Variants in AP2A2 observed in about 807,000 individuals in gnomAD.
AP2A2 encodes adaptor related protein complex 2 subunit alpha 2.
AP2A2 carries 32 observed loss-of-function variants against 104.2 expected under a neutral mutation model. The observed-to-expected ratio is 0.31, with a 90% CI of 0.23 to 0.41. The LOEUF (loss-of-function observed/expected upper bound fraction) is 0.41, where lower values mean the gene tolerates loss of function less well. Among genes scored for constraint, AP2A2 ranks in the 10% least tolerant of loss-of-function variants. AP2A2 has a pLI of 1.00. For synonymous variants in AP2A2, 539 were observed against 533.3 expected (o/e 1.01, Z -0.15); for missense variants, 912 against 1,261.0 (o/e 0.72, Z 4.19).
In AP2A2 at chr11:969,219, C is replaced by CTTTTTTTTTTTTTTTTTTTTTTTTTTTTT. The variant is rs1564799363; in HGVS notation, c.137-950_137-949insTTTTTTTTTTTTTTTTTTTTTTTTTTTTT. ...GAAACTCCTGGCAATGTAGAACAGC[C>CTTTTTTTTTTTTTTTTTTTTTTTTTTTTT]CTTTTTTTTTTTTTTTTTTTTTTTT... On this transcript the variant is annotated intron_variant, in intron 2 of 21. Coordinates refer to ENST00000448903, the MANE Select transcript of AP2A2 (RefSeq NM_012305.4). 1.8e-5 allele frequency among the ~76,000 whole-genome samples: 2 copies of CTTTTTTTTTTTTTTTTTTTTTTTTTTTTT among 112,812 alleles called. 1 individual carries two copies. 74.0% of individuals were successfully genotyped at this position (112,812 alleles called of 152,430 possible). A position where few individuals can be genotyped will look rare whatever the true frequency, so the allele number is the denominator to read the frequency against.
chr11:971,877 C>T (rs1318044828), intron 3 of AP2A2, among the ~76,000 whole-genome samples, 185 bp from the exon 4 acceptor site: 2 of 152,228 alleles, frequency 1.3e-5, no homozygotes, highest in South Asian at 2.1e-4. Context: ...GAGGCATCCT[C>T]GGTTCCACTG....
Position 1,000,412 on chromosome 11 carries a change from T to C in AP2A2, c.1957-20T>C. ...GGCCAGGGAGGCTCTCTGCTGATGC[T>C]CTCCTTCCTTCTCTTCCAGTCTACG... On this transcript the variant is annotated intron_variant, in intron 14 of 21. Transcript: ENST00000448903. 1.3e-6 allele frequency: 2 copies of C among 1,542,884 alleles called. No individual in the cohort carries two copies. Among genetic ancestry groups the C allele is most frequent in the Non-Finnish European group, 8.7e-7 (1 of 1,146,974 alleles).
intron 1 of AP2A2, among the ~76,000 whole-genome samples, chr11:940,077 C>G (rs1195135318): frequency 1.3e-5 from 2 of 151,366 alleles, no homozygotes; most frequent in Non-Finnish European, 2.9e-5. Context: ...GCCTCAGCCT[C>G]CAGAGTAGCT....
chr11:988,909 C>A, intron 10 of AP2A2: 1 of 594,118 alleles, frequency 1.7e-6, no homozygotes, highest in Non-Finnish European at 2.9e-6. Context: ...GCGGGAGGAT[C>A]ACCTGAGGCC....
chr11:932,886 T>G, intron 1 of AP2A2: 1 of 377,554 alleles, frequency 2.6e-6, no homozygotes, highest in South Asian at 2.0e-5. Context: ...ACTGTTACTT[T>G]TGGTAACAAT....
At chr11:972,356 C>T (rs2134629424) in intron 4 of AP2A2, 101 bp downstream of exon 4, 1 of 1,268,478 alleles carries the variant, frequency 7.9e-7, no homozygotes, top group Non-Finnish European at 1.1e-6. Flanking sequence ...GTTTTACTCT[C>T]CCCATCTTAT....
At chr11:930,270 A>G (rs937876181) in intron 1 of AP2A2, among the ~76,000 whole-genome samples, 9 of 152,126 alleles carry the variant, frequency 5.9e-5, no homozygotes, top group African/African-American at 2.2e-4. Context: ...CATAGGCAGC[A>G]ATGAATATGC....
In AP2A2 at chr11:1,011,583, C is replaced by T; in HGVS notation, c.*958C>T. The T allele has an allele frequency of 2.3e-6, 1 of 441,150 alleles. No individual in the cohort carries two copies. The highest frequency in any genetic ancestry group is 4.6e-6 in the Non-Finnish European group (1 of 218,984). The allele number at this position is 441,150 out of a possible 1,614,324, so 27.3% of individuals were successfully genotyped here. On this transcript the variant is annotated 3_prime_UTR_variant, in exon 22 of 22. Coordinates refer to ENST00000448903, the MANE Select transcript of AP2A2 (RefSeq NM_012305.4). ...TGTCTCACCTGTCATCTGGACTCAG[C>T]ACCCAGGCTGCACGTCTGACACCTG...
intron 1 of AP2A2, chr11:946,902 A>T (rs894253003): frequency 1.3e-5 from 2 of 152,148 alleles, no homozygotes; most frequent in Non-Finnish European, 2.9e-5. Flanking sequence ...AGGTGGTAGG[A>T]TACGTGAAGA....
chr11:938,568 G>A (rs1269738253), intron 1 of AP2A2, among the ~76,000 whole-genome samples: 3 of 150,774 alleles, frequency 2.0e-5, no homozygotes, highest in Non-Finnish European at 4.4e-5. Context: ...TCTGCCTCCC[G>A]GGTTCACGCC....
chr11:966,750 C>A (rs1461737683), intron 2 of AP2A2, among the ~76,000 whole-genome samples: 1 of 152,094 alleles, frequency 6.6e-6, no homozygotes, highest in East Asian at 1.9e-4. Flanking sequence ...TGGCTGGTGA[C>A]CAGATGGCTG....
intron 3 of AP2A2, among the ~76,000 whole-genome samples, chr11:971,819 A>G (rs1267968745): frequency 6.6e-6 from 1 of 152,148 alleles, no homozygotes; most frequent in African/African-American, 2.4e-5. Context: ...GTGGCACGCT[A>G]GTCAGGTGTG....
At position 993,996 on chromosome 11, in the gene AP2A2, CCCGCCCTT is replaced by C. The variant is rs1329673014; in HGVS notation, c.1782+13_1782+20del. 2 of 1,609,466 alleles carry C rather than the reference CCCGCCCTT, an allele frequency of 1.2e-6. No individual in the cohort carries two copies. Among genetic ancestry groups the C allele is most frequent in the Non-Finnish European group, 8.5e-7 (1 of 1,177,532 alleles). On this transcript the variant is annotated intron_variant, in intron 13 of 21. Coordinates refer to ENST00000448903, the MANE Select transcript of AP2A2 (RefSeq NM_012305.4). The surrounding 1 kb of genome is among the most constrained non-coding windows in gnomAD (Gnocchi z 8.2). ...AGCACCGACATTCTGGTAGGAGGCC[CCCGCCCTT>C]CGGGCTGGCTTGGCTGAGGGTTGGA...
intron 1 of AP2A2, among the ~76,000 whole-genome samples, chr11:949,870 T>C (rs1853984321): frequency 6.6e-6 from 1 of 151,654 alleles, no homozygotes; most frequent in Non-Finnish European, 1.5e-5. Context: ...AATCAATCCA[T>C]GTAATACTTC....
chr11:926,046 G>C lies in AP2A2; in HGVS notation c.25G>C (p.Gly9Arg). 1 of 1,387,882 alleles carries C rather than the reference G, an allele frequency of 7.2e-7. No homozygotes were observed. The allele number at this position is 1,387,882 out of a possible 1,614,324, so 86.0% of individuals were successfully genotyped here. The change falls in exon 1 of 22, where the codon GGG (glycine) becomes CGG (arginine). Residue 9 changes from glycine to arginine, a missense_variant. By Grantham distance (125) the Gly-to-Arg change is moderately radical (BLOSUM62 -2). Around this residue, in one of 7 missense-constraint regions of AP2A2, gnomAD observed 43 missense variants for 47.0 expected, o/e 0.91. Transcript: ENST00000448903. MPAVSKGD[G>R]MRGLAVFISD... ...GATGCCGGCCGTGTCCAAGGGGGAC[G>C]GGATGCGGGGCCTGGCGGTCTTCAT... is the stretch of plus-strand genomic sequence containing the variant.
Position 993,623 on chromosome 11 carries a change from CTGG to C in AP2A2, c.1551-130_1551-128del. The C allele has an allele frequency of 2.8e-6, 2 of 710,074 alleles. No individual in the cohort carries two copies. The highest frequency in any genetic ancestry group is 4.6e-6 in the Non-Finnish European group (2 of 433,356). The allele number at this position is 710,074 out of a possible 1,614,324, so 44.0% of individuals were successfully genotyped here. Reference sequence around the variant, plus strand: ...GGCGTCTTTGCGGTGGGATCTGGAGCTGGAAGAGGGTCCCGACCAGCGGCCTCT... The same window carrying C: ...GGCGTCTTTGCGGTGGGATCTGGAGCAAGAGGGTCCCGACCAGCGGCCTCT... On this transcript the variant is annotated intron_variant, in intron 12 of 21. Coordinates refer to ENST00000448903, the MANE Select transcript of AP2A2 (RefSeq NM_012305.4). The surrounding 1 kb of genome is among the most constrained non-coding windows in gnomAD (Gnocchi z 8.2).
At position 1,009,799 on chromosome 11, in the gene AP2A2, G is replaced by A. The variant is rs942577764; in HGVS notation, c.2724G>A (p.Glu908=). 6.5e-7 allele frequency: 1 copy of A among 1,547,398 alleles called. No individual in the cohort carries two copies. Among genetic ancestry groups the A allele is most frequent in the African/African-American group, 1.4e-5 (1 of 73,032 alleles). ...AGATTGGATGCCTGCTGCGCTTGGA[G>A]CCGAACCTGCAAGCCCAGGTCAGGC... is the stretch of plus-strand genomic sequence containing the variant. ...TTQIGCLLRL[E]PNLQAQMYRL... The change falls in exon 21 of 22, where the codon GAG becomes GAA. Residue 908 remains glutamate, a synonymous_variant. Coordinates refer to ENST00000448903, the MANE Select transcript of AP2A2 (RefSeq NM_012305.4).
chr11:987,172 G>A (rs1265615642), intron 9 of AP2A2, among the ~76,000 whole-genome samples: 2 of 152,250 alleles, frequency 1.3e-5, no homozygotes, highest in Admixed American at 6.5e-5. Flanking sequence ...TCCTGGTTAG[G>A]CTGAGCAGAG....
intron 15 of AP2A2, among the ~76,000 whole-genome samples, chr11:1,001,758 G>A (rs1015194782): frequency 1.3e-5 from 2 of 152,170 alleles, no homozygotes; most frequent in Non-Finnish European, 2.9e-5. Context: ...CGTGGCAGCC[G>A]TGGCCCTTCC....
Sources: allele counts gnomAD v4.1 joint callset (sites outside exome capture counted in the v4.1 genomes callset), GRCh38; gene constraint gnomAD v4.1.1; regional missense constraint gnomAD v4.1.1; non-coding constraint Gnocchi (gnomAD v3.1); transcripts MANE v1.5; gene names NCBI Gene and HGNC (gene_info 2026-07-23, HGNC 2026-07-21).